The following GPHN variants were observed in gnomAD, a reference collection of about 807,000 sequenced individuals.
GPHN encodes gephyrin.
GPHN carries 17 observed loss-of-function variants against 95.5 expected under a neutral mutation model. The ratio of observed to expected loss-of-function variants is 0.18; its 90% confidence interval spans 0.12 to 0.27. GPHN has a LOEUF of 0.27. Among genes scored for constraint, GPHN ranks in the 10% least tolerant of loss-of-function variants. The pLI is 1.00. For synonymous variants in GPHN, 320 were observed against 322.5 expected (o/e 0.99, Z 0.08); for missense variants, 660 against 978.1 (o/e 0.67, Z 4.34).
chr14:67,281,550 T>C, the GPHN span, among the ~76,000 whole-genome samples: 1 of 152,136 alleles, frequency 6.6e-6, no homozygotes, highest in African/African-American at 2.4e-5. Context: ...AATATTTTAT[T>C]GGAGAAAGTT....
chr14:66,707,320 C>A (rs539295729), intron 2 of GPHN, among the ~76,000 whole-genome samples: 2 of 152,134 alleles, frequency 1.3e-5, no homozygotes, highest in African/African-American at 2.4e-5. Flanking sequence ...TGGGTATATA[C>A]CCAGAGGAAT....
chr14:67,734,733 AT>A, the GPHN span, among the ~76,000 whole-genome samples: 1 of 152,174 alleles, frequency 6.6e-6, no homozygotes, highest in Admixed American at 6.5e-5. Context: ...TTACTCCCCC[AT>A]GGCCTAACTG....
intron 4 of GPHN, among the ~76,000 whole-genome samples, chr14:66,834,891 C>T (rs1326829505): frequency 1.4e-5 from 2 of 140,600 alleles, no homozygotes; most frequent in African/African-American, 5.3e-5. Context: ...GTCCTGGACT[C>T]TTTTTGGTTG....
chr14:67,374,096 G>C, the GPHN span, among the ~76,000 whole-genome samples: 2 of 152,026 alleles, frequency 1.3e-5, no homozygotes, highest in African/African-American at 4.8e-5. Flanking sequence ...CTCTCATCTT[G>C]TACAGATTGA....
In GPHN at chr14:66,508,167, A is replaced by C. The variant is rs2057860227; in HGVS notation, c.-361A>C. 2.1e-6 allele frequency: 1 copy of C among 468,370 alleles called. No homozygotes were observed. The highest frequency in any genetic ancestry group is 2.0e-5 in the African/African-American group (1 of 50,680). 29.0% of individuals were successfully genotyped at this position (468,370 alleles called of 1,614,324 possible). A position where few individuals can be genotyped will look rare whatever the true frequency, so the allele number is the denominator to read the frequency against. On this transcript the variant is annotated 5_prime_UTR_variant, in exon 1 of 23. Transcript: ENST00000478722. ...GCTATCCTTTCCTCTCAGTCCTGCCATCTAGCTGCCTTGGGTCTCGCGCTC... is the reference window on the plus strand; with the variant it reads ...GCTATCCTTTCCTCTCAGTCCTGCCCTCTAGCTGCCTTGGGTCTCGCGCTC...
chr14:67,697,607 C>A, the GPHN span, among the ~76,000 whole-genome samples: 7 of 152,266 alleles, frequency 4.6e-5, no homozygotes, highest in African/African-American at 1.7e-4. Context: ...CCCTATTTTA[C>A]AGACAAGAAA....
chr14:67,683,457 C>A, the GPHN span, among the ~76,000 whole-genome samples: 1 of 152,152 alleles, frequency 6.6e-6, no homozygotes, highest in Admixed American at 6.5e-5. Context: ...TGTACAGAGC[C>A]AGGTTTGTTA....
At chr14:67,647,940 G>T in the GPHN span, 1 of 1,097,232 alleles carries the variant, frequency 9.1e-7, no homozygotes, top group Non-Finnish European at 1.3e-6. Flanking sequence ...AAAGTACTAG[G>T]ACTAATAGCA....
chr14:67,587,467 TA>T, the GPHN span: 1 of 565,558 alleles, frequency 1.8e-6, no homozygotes, highest in Non-Finnish European at 3.1e-6. Flanking sequence ...CCTTTTTTCA[TA>T]AGAATAATGA....
At chr14:67,659,717 C>T in the GPHN span, 3 of 1,571,538 alleles carry the variant, frequency 1.9e-6, no homozygotes, top group South Asian at 3.6e-5. Context: ...ACAAACAAAA[C>T]AGCTAAAACT....
chr14:67,333,005 C>A, the GPHN span: 1 of 1,537,304 alleles, frequency 6.5e-7, no homozygotes, highest in Non-Finnish European at 8.9e-7. Flanking sequence ...GCAAAAACTG[C>A]CAATAGGAGG....
chr14:66,888,555 T>C (rs1270440196), intron 5 of GPHN, among the ~76,000 whole-genome samples: 3 of 152,038 alleles, frequency 2.0e-5, no homozygotes, highest in Admixed American at 6.5e-5. Context: ...AATGTAATCT[T>C]CATAGTGGCC....
intron 1 of GPHN, among the ~76,000 whole-genome samples, chr14:66,551,764 C>T (rs1039609119): frequency 4.6e-5 from 7 of 152,054 alleles, no homozygotes; most frequent in African/African-American, 1.7e-4. Context: ...CTTACATGGC[C>T]AGAGCAGGAG....
At chr14:66,777,951 A>T (rs1371685224) in intron 3 of GPHN, among the ~76,000 whole-genome samples, 1 of 152,124 alleles carries the variant, frequency 6.6e-6, no homozygotes, top group African/African-American at 2.4e-5. Flanking sequence ...CCTATTCAAC[A>T]TAGTGTTGGA....
At chr14:67,356,701 C>T in the GPHN span, among the ~76,000 whole-genome samples, 546 of 152,290 alleles carry the variant, frequency 3.6e-3, 1 homozygote, top group African/African-American at 0.011. Flanking sequence ...CTCCAACCTA[C>T]GTTCACTGTA....
chr14:66,692,201 G>A (rs1254420757), intron 2 of GPHN, among the ~76,000 whole-genome samples: 1 of 151,994 alleles, frequency 6.6e-6, no homozygotes. Context: ...TTATAGTCCT[G>A]GGTGCTTTCT....
At chr14:66,907,675 T>G (rs2065454095) in intron 5 of GPHN, among the ~76,000 whole-genome samples, 1 of 152,128 alleles carries the variant, frequency 6.6e-6, no homozygotes, top group Non-Finnish European at 1.5e-5. Context: ...AGGGGAAAAG[T>G]ACTGACCTAA....
the GPHN span, among the ~76,000 whole-genome samples, chr14:67,315,340 G>A: frequency 2.4e-5 from 3 of 125,570 alleles, no homozygotes; most frequent in Admixed American, 1.0e-4. Context: ...GCAGTGGCAT[G>A]ATCTCAGCTC....
intron 4 of GPHN, among the ~76,000 whole-genome samples, chr14:66,827,449 A>T (rs116776169): frequency 1.5e-3 from 221 of 152,254 alleles, no homozygotes; most frequent in African/African-American, 5.1e-3. Context: ...ACCTTAATAG[A>T]CTAGTCATTT....
Sources: gnomAD v4.1 joint callset for allele counts (sites outside exome capture counted in the v4.1 genomes callset) on GRCh38, gnomAD v4.1.1 for gene constraint, MANE v1.5 for transcripts, NCBI Gene and HGNC (gene_info 2026-07-23, HGNC 2026-07-21) for gene names.